Variants in CNBD2 observed in about 807,000 individuals in gnomAD.
CNBD2 encodes the protein cyclic nucleotide binding domain containing 2.
Under a neutral mutation model 63.7 loss-of-function variants are expected in CNBD2, and 64 were observed. That is an observed-to-expected ratio of 1.00 (90% CI 0.82 to 1.24). CNBD2 has a LOEUF of 1.24. CNBD2 is among the 50% of genes most tolerant of loss of function. CNBD2 has a pLI of 0.00. For synonymous variants in CNBD2, 229 were observed against 255.4 expected (o/e 0.90, Z 0.99); for missense variants, 691 against 713.5 (o/e 0.97, Z 0.36).
chr20:35,965,694 ACT>A (rs773438813), upstream of CNBD2, among the ~76,000 whole-genome samples: 3 of 151,982 alleles, frequency 2.0e-5, no homozygotes, highest in Non-Finnish European at 4.4e-5. Flanking sequence ...TAAATGTGTG[ACT>A]CTGAATCCCC....
chr20:35,980,362 A>G, intron 3 of CNBD2, 97 bp from the exon 4 acceptor site: 1 of 1,131,286 alleles, frequency 8.8e-7, no homozygotes, highest in Non-Finnish European at 1.3e-6. Context: ...TGGTACAGGG[A>G]ACGGGAGAGT....
In CNBD2 at chr20:35,984,684, A is replaced by C; in HGVS notation, c.622A>C (p.Thr208Pro). ...GTCCACCATCGTCTGTATGGAAGAAACGGAGTTCCTGGTTGTTGACCGGGA... is the reference window on the plus strand; with the variant it reads ...GTCCACCATCGTCTGTATGGAAGAACCGGAGTTCCTGGTTGTTGACCGGGA... ...RRSTIVCMEETEFLVVDREDF... is the reference protein window; with the variant it reads ...RRSTIVCMEEPEFLVVDREDF... Residue 208 changes from threonine (T) to proline (P), a missense_variant, in exon 6 of 12, where the codon ACG becomes CCG. Transcript: ENST00000373973. The C allele has an allele frequency of 6.2e-7, 1 of 1,614,220 alleles. No individual in the cohort carries two copies. Among genetic ancestry groups the C allele is most frequent in the Non-Finnish European group, 8.5e-7 (1 of 1,180,034 alleles).
chr20:35,965,142 T>C (rs1266972896), upstream of CNBD2, among the ~76,000 whole-genome samples: 2 of 151,984 alleles, frequency 1.3e-5, no homozygotes, highest in Non-Finnish European at 2.9e-5. Flanking sequence ...ATAGCTTTTA[T>C]AATCAGCAAA....
At chr20:35,968,060 G>A (rs992817321), upstream of CNBD2, among the ~76,000 whole-genome samples, 3 of 152,154 alleles carry the variant, frequency 2.0e-5, no homozygotes, top group Admixed American at 6.5e-5. Context: ...TGTATGAGAT[G>A]TTGGCAACTG....
intron 8 of CNBD2, among the ~76,000 whole-genome samples, chr20:36,001,481 G>C (rs1383182080): frequency 8.7e-5 from 13 of 149,050 alleles, no homozygotes; most frequent in Admixed American, 2.7e-4. Context: ...GGGGCGGCTG[G>C]CCGGGCGGGG....
At chr20:35,977,994 G>A (rs1013184262) in intron 3 of CNBD2, among the ~76,000 whole-genome samples, 4 of 152,132 alleles carry the variant, frequency 2.6e-5, no homozygotes, top group South Asian at 2.1e-4. Context: ...TTCTAATAAC[G>A]CTAAACTTCT....
At chr20:36,005,159 G>A (rs1459772468) in intron 8 of CNBD2, among the ~76,000 whole-genome samples, 1 of 152,166 alleles carries the variant, frequency 6.6e-6, no homozygotes, top group Non-Finnish European at 1.5e-5. Context: ...GAGAATTACT[G>A]GATCAAATAG....
At position 35,995,167 on chromosome 20, in the gene CNBD2, C is replaced by T. The variant is rs778888806; in HGVS notation, c.970+15C>T. The T allele has an allele frequency of 7.6e-6, 12 of 1,578,998 alleles. No individual in the cohort carries two copies. Among genetic ancestry groups the T allele is most frequent in the Non-Finnish European group, 1.0e-5 (12 of 1,148,300 alleles). ...CCACCTGAGTGGTAAGCTGCCTTGG[C>T]CTGTCTGACAGCAGGGGGCGCCTGG... On this transcript the variant is annotated intron_variant, in intron 8 of 11. Transcript: ENST00000373973.
chr20:35,992,745 C>G (rs2056763494), intron 7 of CNBD2, among the ~76,000 whole-genome samples: 1 of 151,622 alleles, frequency 6.6e-6, no homozygotes, highest in Non-Finnish European at 1.5e-5. Context: ...TACAGCACCC[C>G]CTCCCCCACC....
chr20:36,027,376 T>G (rs972807817), intron 11 of CNBD2, among the ~76,000 whole-genome samples: 1 of 152,200 alleles, frequency 6.6e-6, no homozygotes, highest in Non-Finnish European at 1.5e-5. Context: ...CCTTGAGCAG[T>G]GTGAGGTCTT....
chr20:35,995,684 G>C lies in CNBD2; in HGVS notation c.970+532G>C, dbSNP rs865801198. The stretch of plus-strand genomic sequence containing the variant: ...CCACTTATCAGTTGGTGAACATTTG[G>C]ATTGTTTTCACTTTTTGGCTGTTTT... On this transcript the variant is annotated intron_variant, in intron 8 of 11. Transcript: ENST00000373973. Among the ~76,000 whole-genome samples the C allele has an allele frequency of 4.6e-5, 7 of 152,184 alleles. 1 individual carries two copies. In the Middle Eastern group the frequency reaches 0.017, roughly 370 times the overall value.
chr20:36,011,131 T>C lies in CNBD2; in HGVS notation c.1149-6T>C. 6.5e-7 allele frequency: 1 copy of C among 1,532,574 alleles called. No homozygotes were observed. Among genetic ancestry groups the C allele is most frequent in the Non-Finnish European group, 8.8e-7 (1 of 1,136,032 alleles). The allele number at this position is 1,532,574 out of a possible 1,614,324, so 94.9% of individuals were successfully genotyped here. On this transcript the variant is annotated splice_region_variant and splice_polypyrimidine_tract_variant and intron_variant, in intron 9 of 11. Transcript: ENST00000373973. ...ATGAGCTCTCTAACAAGCTGTCACA[T>C]TTCAGATCCAGGCCTGCTCAGTCGA...
rs1346380352 is a variant in CNBD2 at position 35,960,752 on chromosome 20, CCTTCT to C, written c.228+2983_228+2987del. ...TCTTCCCTTCTCTTCCCTTCTCTTC[CCTTCT>C]CTTCCCTTCTCTTCCCTTCTCTTCC... On this transcript the variant is annotated intron_variant, in intron 2 of 4. Coordinates refer to the CNBD2 transcript ENST00000622112. 4.0e-3 allele frequency among the ~76,000 whole-genome samples: 326 copies of C among 81,798 alleles called. 8 individuals are homozygous for C. The highest frequency in any genetic ancestry group is 6.7e-3 in the South Asian group (11 of 1,654). 53.7% of individuals were successfully genotyped at this position (81,798 alleles called of 152,430 possible).
intron 8 of CNBD2, among the ~76,000 whole-genome samples, chr20:35,997,180 C>T (rs534235446): frequency 9.2e-5 from 14 of 152,134 alleles, no homozygotes; most frequent in Admixed American, 9.2e-4. Flanking sequence ...CAGCCCTCAA[C>T]AGATATTTGC....
At chr20:35,960,796 C>G (rs1601001108) in intron 2 of CNBD2, among the ~76,000 whole-genome samples, 1 of 137,434 alleles carries the variant, frequency 7.3e-6, no homozygotes, top group Non-Finnish European at 1.5e-5. Context: ...CTCTTCCCTT[C>G]TCTTCCCTTC....
At chr20:36,029,049 AC>A (rs35191990) in intron 11 of CNBD2, among the ~76,000 whole-genome samples, 1 of 152,032 alleles carries the variant, frequency 6.6e-6, no homozygotes, top group South Asian at 2.1e-4. Flanking sequence ...TGGAACTGAG[AC>A]CCCTGTGTGA....
intron 9 of CNBD2, among the ~76,000 whole-genome samples, chr20:36,010,420 G>A (rs564543845): frequency 8.0e-5 from 12 of 150,768 alleles, no homozygotes; most frequent in Non-Finnish European, 1.0e-4. Flanking sequence ...CTCCAGCCTG[G>A]GCGACAAGAG....
chr20:36,024,661 G>T (rs949125738), intron 11 of CNBD2, among the ~76,000 whole-genome samples: 1 of 151,416 alleles, frequency 6.6e-6, no homozygotes, highest in African/African-American at 2.4e-5. Context: ...GGACGTGGTG[G>T]CTCATGCCTG....
chr20:35,995,913 G>C (rs1601058863), intron 8 of CNBD2, among the ~76,000 whole-genome samples: 1 of 152,180 alleles, frequency 6.6e-6, no homozygotes, highest in East Asian at 1.9e-4. Context: ...GGAGGCTAGG[G>C]AATCTGAGGT....
Sources: allele counts gnomAD v4.1 joint callset (sites outside exome capture counted in the v4.1 genomes callset), GRCh38; gene constraint gnomAD v4.1.1; transcripts MANE v1.5; gene names NCBI Gene and HGNC (gene_info 2026-07-23, HGNC 2026-07-21).